The following ARHGAP10 variants were observed in gnomAD, a reference collection of about 807,000 sequenced individuals.
ARHGAP10 encodes the protein rho GTPase-activating protein 10.
A neutral mutation model predicts 108.6 loss-of-function variants in ARHGAP10; 87 were observed. The observed-to-expected ratio is 0.80, with a 90% confidence interval of 0.67 to 0.96. The LOEUF (loss-of-function observed/expected upper bound fraction) is 0.96. ARHGAP10 is among the 40% of genes least tolerant of loss of function. ARHGAP10 has a pLI of 0.00. For missense variants in ARHGAP10, 939 were observed against 954.5 expected (o/e 0.98, Z 0.21); for synonymous variants, 347 against 341.1 (o/e 1.02, Z -0.19).
chr4:147,770,441 CT>C (rs1184174937), intron 1 of ARHGAP10, among the ~76,000 whole-genome samples: 4 of 152,180 alleles, frequency 2.6e-5, no homozygotes, highest in African/African-American at 7.2e-5. Flanking sequence ...ATGAGAATTG[CT>C]TGAACCCGGG....
At chr4:147,835,003 C>T (rs1003103435) in intron 3 of ARHGAP10, among the ~76,000 whole-genome samples, 5 of 152,174 alleles carry the variant, frequency 3.3e-5, no homozygotes, top group Non-Finnish European at 7.3e-5. Context: ...TTAGCATTGT[C>T]ATTCATCGGT....
chr4:147,829,425 G>A (rs1444153294), intron 3 of ARHGAP10, among the ~76,000 whole-genome samples: 1 of 151,760 alleles, frequency 6.6e-6, no homozygotes, highest in East Asian at 1.9e-4. Context: ...CTGACCTCGG[G>A]TGATCCACCC....
chr4:147,781,739 GC>G (rs1730545933), intron 1 of ARHGAP10, among the ~76,000 whole-genome samples: 1 of 148,258 alleles, frequency 6.7e-6, no homozygotes, highest in Non-Finnish European at 1.5e-5. Context: ...GTGCAGTGGC[GC>G]AATCTCGGCT....
intron 1 of ARHGAP10, among the ~76,000 whole-genome samples, chr4:147,778,614 G>T: frequency 6.6e-6 from 1 of 152,168 alleles, no homozygotes; most frequent in Non-Finnish European, 1.5e-5. Context: ...CATACCCCAA[G>T]AAGCTGCTCA....
intron 19 of ARHGAP10, among the ~76,000 whole-genome samples, chr4:148,030,469 A>G (rs939818472): frequency 2.0e-5 from 3 of 152,346 alleles, no homozygotes; most frequent in African/African-American, 7.2e-5. Context: ...TTTCTTTGAT[A>G]GCCAGGAAGA....
intron 1 of ARHGAP10, among the ~76,000 whole-genome samples, chr4:147,739,348 G>T (rs1728558449): frequency 6.6e-6 from 1 of 152,134 alleles, no homozygotes; most frequent in Admixed American, 6.6e-5. Context: ...ATCTATAGTC[G>T]AGGTTCAGGC....
At position 148,021,801 on chromosome 4, in the gene ARHGAP10, A is replaced by G. The variant is rs1292183745; in HGVS notation, c.1717-1462A>G. On this transcript the variant is annotated intron_variant, in intron 18 of 22. Coordinates refer to ENST00000336498, the MANE Select transcript of ARHGAP10 (RefSeq NM_024605.4). ...GCCAGAGTGGTCTATTGGAACACAGATTTTGTGGAAACATGGTGTTGGCAG... is the reference window on the plus strand; with the variant it reads ...GCCAGAGTGGTCTATTGGAACACAGGTTTTGTGGAAACATGGTGTTGGCAG... Among the ~76,000 whole-genome samples, 6 of 152,180 alleles carry G rather than the reference A, an allele frequency of 3.9e-5. No individual in the cohort carries two copies. The East Asian group carries it at 1.2e-3, about 29-fold the overall frequency.
chr4:147,868,786 C>T (rs553006683), intron 7 of ARHGAP10, among the ~76,000 whole-genome samples: 2 of 152,220 alleles, frequency 1.3e-5, no homozygotes, highest in East Asian at 3.9e-4. Flanking sequence ...GTGCGCAGTT[C>T]ACAATACGGT....
chr4:147,895,314 T>C (rs1735946522), intron 10 of ARHGAP10, among the ~76,000 whole-genome samples: 1 of 152,048 alleles, frequency 6.6e-6, no homozygotes, highest in South Asian at 2.1e-4. Flanking sequence ...AGTGCACTTA[T>C]TCTGTTAGTT....
At chr4:148,008,223 C>G (rs1430146099) in intron 18 of ARHGAP10, among the ~76,000 whole-genome samples, 1 of 152,078 alleles carries the variant, frequency 6.6e-6, no homozygotes, top group Non-Finnish European at 1.5e-5. Flanking sequence ...TTACTGGTCT[C>G]TTTGTTTCCA....
intron 4 of ARHGAP10, among the ~76,000 whole-genome samples, chr4:147,852,417 A>T (rs745334501): frequency 6.6e-6 from 1 of 152,172 alleles, no homozygotes; most frequent in Non-Finnish European, 1.5e-5. Flanking sequence ...ATGAAGTTGA[A>T]TTCTCATCTC....
intron 7 of ARHGAP10, among the ~76,000 whole-genome samples, chr4:147,868,602 T>G (rs1039331300): frequency 6.6e-6 from 1 of 152,102 alleles, no homozygotes; most frequent in East Asian, 1.9e-4. Flanking sequence ...GAACAGTAGA[T>G]AGTTCACGTA....
chr4:147,946,510 C>A, intron 14 of ARHGAP10, 107 bp from the exon 15 acceptor site: 1 of 764,370 alleles, frequency 1.3e-6, no homozygotes, highest in Non-Finnish European at 2.1e-6. Flanking sequence ...TAGGAAACTG[C>A]AGGATTGTGG....
At chr4:147,847,283 C>T in intron 4 of ARHGAP10, 61 bp downstream of exon 4, 1 of 1,434,196 alleles carries the variant, frequency 7.0e-7, no homozygotes, top group African/African-American at 1.4e-5. Context: ...TCATGGTACA[C>T]TTTATTCACA....
chr4:148,070,814 C>T (rs935959690), intron 22 of ARHGAP10, among the ~76,000 whole-genome samples: 1 of 152,134 alleles, frequency 6.6e-6, no homozygotes, highest in Admixed American at 6.5e-5. Flanking sequence ...CTTTATGCCA[C>T]GGCTGCCACG....
At chr4:147,865,752 G>A (rs1314547397) in intron 6 of ARHGAP10, 2 of 152,180 alleles carry the variant, frequency 1.3e-5, no homozygotes, top group African/African-American at 2.4e-5. Flanking sequence ...TTAAAAATGA[G>A]CATTTGTGGA....
At chr4:147,989,604 G>A (rs2149634495) in intron 18 of ARHGAP10, among the ~76,000 whole-genome samples, 1 of 152,340 alleles carries the variant, frequency 6.6e-6, no homozygotes, top group East Asian at 1.9e-4. Context: ...ATTTGCTTTT[G>A]AAAGAAGAGA....
chr4:147,797,015 T>C (rs1012732501), intron 1 of ARHGAP10, among the ~76,000 whole-genome samples: 11 of 152,192 alleles, frequency 7.2e-5, no homozygotes, highest in African/African-American at 2.7e-4. Flanking sequence ...CTTACATTGC[T>C]GTCTCCTTGG....
intron 1 of ARHGAP10, among the ~76,000 whole-genome samples, chr4:147,794,114 T>G (rs576289922): frequency 1.3e-5 from 2 of 152,236 alleles, no homozygotes; most frequent in South Asian, 4.1e-4. Context: ...AGGGACAGGC[T>G]CGAACACAAA....
Sources: gnomAD v4.1 joint callset for allele counts (sites outside exome capture counted in the v4.1 genomes callset) on GRCh38, gnomAD v4.1.1 for gene constraint, MANE v1.5 for transcripts, NCBI Gene and HGNC (gene_info 2026-07-23, HGNC 2026-07-21) for gene names.